The following PGCKA1 variants were observed in gnomAD, a reference collection of about 807,000 sequenced individuals.
PGCKA1 encodes PDCD10 and GCKIII kinases associated 1.
At chr4:37,507,554 C>A in the PGCKA1 span, among the ~76,000 whole-genome samples, 1 of 151,994 alleles carries the variant, frequency 6.6e-6, no homozygotes, top group African/African-American at 2.4e-5. Context: ...AGAAAAGTAA[C>A]CCTAACTCTA....
At chr4:37,480,364 G>A in the PGCKA1 span, among the ~76,000 whole-genome samples, 4 of 152,304 alleles carry the variant, frequency 2.6e-5, no homozygotes, top group Non-Finnish European at 4.4e-5. Flanking sequence ...ATGCTGGCAC[G>A]TGCCTGTGAT....
the PGCKA1 span, among the ~76,000 whole-genome samples, chr4:37,544,465 T>A: frequency 6.6e-6 from 1 of 151,998 alleles, no homozygotes; most frequent in Non-Finnish European, 1.5e-5. Flanking sequence ...TTCCTGCAAC[T>A]CCTATTATTT....
the PGCKA1 span, among the ~76,000 whole-genome samples, chr4:37,500,483 G>C: frequency 1.3e-5 from 2 of 152,210 alleles, no homozygotes. Context: ...GTCTGAGAGA[G>C]TAGTTGTTAT....
the PGCKA1 span, among the ~76,000 whole-genome samples, chr4:37,503,060 C>T: frequency 1.3e-5 from 2 of 152,186 alleles, no homozygotes; most frequent in African/African-American, 4.8e-5. Context: ...CAGATGCTCC[C>T]ACACCAAACA....
chr4:37,461,416 C>A, the PGCKA1 span, among the ~76,000 whole-genome samples: 67 of 152,066 alleles, frequency 4.4e-4, 1 homozygote, highest in East Asian at 4.3e-3. Flanking sequence ...GGCAATATGG[C>A]TATTTTCAAG....
chr4:37,503,385 A>G, the PGCKA1 span, among the ~76,000 whole-genome samples: 1 of 152,090 alleles, frequency 6.6e-6, no homozygotes, highest in African/African-American at 2.4e-5. Context: ...TGTGCCCATC[A>G]TCCCAGTCCC....
the PGCKA1 span, chr4:37,588,904 A>T: frequency 6.2e-7 from 1 of 1,610,720 alleles, no homozygotes; most frequent in Non-Finnish European, 8.5e-7. Context: ...ACAAAGGTAA[A>T]GCTGGAGAAA....
the PGCKA1 span, among the ~76,000 whole-genome samples, chr4:37,475,559 A>T: frequency 1.3e-5 from 2 of 152,202 alleles, no homozygotes; most frequent in East Asian, 3.8e-4. Flanking sequence ...TAAGATTTGT[A>T]ATGTTACAGG....
chr4:37,496,172 C>A, the PGCKA1 span, among the ~76,000 whole-genome samples: 1 of 152,142 alleles, frequency 6.6e-6, no homozygotes, highest in Non-Finnish European at 1.5e-5. Flanking sequence ...CTTTTGGCAT[C>A]TTCCTTATAA....
chr4:37,497,978 T>C, the PGCKA1 span, among the ~76,000 whole-genome samples: 32 of 152,242 alleles, frequency 2.1e-4, no homozygotes, highest in South Asian at 5.8e-3. Flanking sequence ...AGAAGGGTTT[T>C]TGTCTAGACA....
At chr4:37,486,133 A>G in the PGCKA1 span, among the ~76,000 whole-genome samples, 4 of 152,162 alleles carry the variant, frequency 2.6e-5, no homozygotes, top group Non-Finnish European at 5.9e-5. Context: ...CGTCTATACC[A>G]TTGCTCCTGA....
At chr4:37,531,797 C>A in the PGCKA1 span, among the ~76,000 whole-genome samples, 2 of 145,810 alleles carry the variant, frequency 1.4e-5, no homozygotes, top group Non-Finnish European at 3.0e-5. Flanking sequence ...GAGGCTGAGG[C>A]AGGAGAATGA....
At chr4:37,454,522 G>T in the PGCKA1 span, among the ~76,000 whole-genome samples, 1 of 152,172 alleles carries the variant, frequency 6.6e-6, no homozygotes, top group Non-Finnish European at 1.5e-5. Context: ...AATGCCCTTG[G>T]GTCCCGGTAT....
At chr4:37,500,796 G>C in the PGCKA1 span, among the ~76,000 whole-genome samples, 2 of 152,236 alleles carry the variant, frequency 1.3e-5, no homozygotes, top group African/African-American at 4.8e-5. Flanking sequence ...TATGAATCTG[G>C]GTTCTCCGAT....
chr4:37,473,250 TAAATA>T, the PGCKA1 span, among the ~76,000 whole-genome samples: 1 of 152,190 alleles, frequency 6.6e-6, no homozygotes, highest in African/African-American at 2.4e-5. Flanking sequence ...TATGATGGAC[TAAATA>T]AAATAAAAAT....
the PGCKA1 span, among the ~76,000 whole-genome samples, chr4:37,492,080 C>T: frequency 6.8e-6 from 1 of 147,728 alleles, no homozygotes; most frequent in East Asian, 2.0e-4. This position sits in a 1 kb window ranked among gnomAD's most constrained non-coding sequence, Gnocchi z 4.7. Flanking sequence ...CTTGCTCTTT[C>T]TACCAGGCTG....
the PGCKA1 span, chr4:37,590,066 G>A: frequency 6.3e-7 from 1 of 1,585,640 alleles, no homozygotes; most frequent in Non-Finnish European, 8.6e-7. Flanking sequence ...GACCTGACTG[G>A]TTTTCATTGT....
the PGCKA1 span, among the ~76,000 whole-genome samples, chr4:37,504,133 G>T: frequency 2.6e-5 from 4 of 152,196 alleles, no homozygotes; most frequent in African/African-American, 4.8e-5. Flanking sequence ...TATGGCAAGA[G>T]ATAGGGGTCT....
At chr4:37,495,444 A>G in the PGCKA1 span, among the ~76,000 whole-genome samples, 1 of 152,184 alleles carries the variant, frequency 6.6e-6, no homozygotes, top group East Asian at 1.9e-4. Context: ...TGTTTATTGC[A>G]CTGACTTGGA....
Sources: gnomAD v4.1 joint callset for allele counts (sites outside exome capture counted in the v4.1 genomes callset) on GRCh38, gnomAD v4.1.1 for gene constraint, Gnocchi (gnomAD v3.1) non-coding constraint, MANE v1.5 for transcripts, NCBI Gene and HGNC (gene_info 2026-07-23, HGNC 2026-07-21) for gene names.